Variants in SH3GL1 observed in about 807,000 individuals in gnomAD.
The protein encoded by SH3GL1 is endophilin-A2.
A neutral mutation model predicts 48.8 loss-of-function variants in SH3GL1; 21 were observed. That is an observed-to-expected ratio of 0.43 (90% CI 0.30 to 0.62). SH3GL1 has a LOEUF of 0.62. Among genes scored for constraint, SH3GL1 ranks in the 20% least tolerant of loss-of-function variants. SH3GL1 has a pLI of 0.11. For missense variants in SH3GL1, 454 were observed against 503.0 expected, an observed-to-expected ratio of 0.90 and a Z score of 0.93; for synonymous variants, 282 against 217.5, an observed-to-expected ratio of 1.30 and a Z score of -2.61.
Position 4,371,007 on chromosome 19 carries a change from A to G in SH3GL1, c.46-4013T>C, listed in dbSNP as rs369207863. Among the ~76,000 whole-genome samples the G allele has an allele frequency of 6.6e-4, 101 of 152,308 alleles. 1 individual carries two copies. The highest frequency in any genetic ancestry group is 2.2e-3 in the African/African-American group (91 of 41,574). ...CCTGCACCCGCCACCTGCATGCCGC[A>G]TGGATTTTCTGCCTGACCCTGTACT... is the stretch of plus-strand genomic sequence containing the variant. On this transcript the variant is annotated intron_variant, in intron 1 of 9. Coordinates refer to ENST00000269886, the MANE Select transcript of SH3GL1 (RefSeq NM_003025.4).
chr19:4,396,866 G>A (rs1177056683), intron 1 of SH3GL1, among the ~76,000 whole-genome samples: 1 of 152,202 alleles, frequency 6.6e-6, no homozygotes, highest in Non-Finnish European at 1.5e-5. Context: ...CTGGAGGACA[G>A]AACTGGCCCT....
intron 1 of SH3GL1, among the ~76,000 whole-genome samples, chr19:4,399,260 C>A (rs1973476608): frequency 7.5e-6 from 1 of 134,006 alleles, no homozygotes; most frequent in Non-Finnish European, 1.5e-5. Context: ...GCGGAGCTTG[C>A]AGTGAGCCGA....
At chr19:4,363,670 C>A (rs1280889784) in intron 6 of SH3GL1, 50 bp downstream of exon 6, 2 of 1,608,314 alleles carry the variant, frequency 1.2e-6, no homozygotes, top group South Asian at 2.2e-5. Flanking sequence ...ACCACCCCGG[C>A]CTCCCAAGGG....
In SH3GL1 at chr19:4,360,925, AG is replaced by A. The variant is rs557170953; in HGVS notation, c.*674del. ...TTTCTGAGGGCGGGGCTTGGGAGGC[AG>A]GGCCCTGCAGGAGACCATGTTCTCT... On this transcript the variant is annotated 3_prime_UTR_variant, in exon 10 of 10. Coordinates refer to ENST00000269886, the MANE Select transcript of SH3GL1 (RefSeq NM_003025.4). 79 of 233,324 alleles carry A rather than the reference AG, an allele frequency of 3.4e-4. No homozygotes were observed. The highest frequency in any genetic ancestry group is 1.5e-3 in the African/African-American group (68 of 45,426). The allele number at this position is 233,324 out of a possible 1,614,324, so 14.5% of individuals were successfully genotyped here. A position where few individuals can be genotyped will look rare whatever the true frequency, so the allele number is the denominator to read the frequency against.
rs1342590586 is a variant in SH3GL1 at position 4,360,585 on chromosome 19, C to T, written c.*1015G>A. ...GAATGTGGCCTGGCCCAGAGAACTC[C>T]CCATTTCATCGATTTTGCATTGGGC... On this transcript the variant is annotated 3_prime_UTR_variant, in exon 10 of 10. Transcript: ENST00000269886. 1 of 232,982 alleles carries T rather than the reference C, an allele frequency of 4.3e-6. No homozygotes were observed. Among genetic ancestry groups the T allele is most frequent in the Admixed American group, 5.6e-5 (1 of 17,756 alleles). The allele number at this position is 232,982 out of a possible 1,614,324, so 14.4% of individuals were successfully genotyped here.
In SH3GL1 at chr19:4,364,907, TATATA is replaced by T. The variant is rs1972735737; in HGVS notation, c.331+570_331+574del. Among the ~76,000 whole-genome samples, 4 of 140,288 alleles carry T rather than the reference TATATA, an allele frequency of 2.9e-5. 1 individual carries two copies. In the South Asian group the frequency reaches 8.7e-4, roughly 31 times the overall value. 92.0% of individuals were successfully genotyped at this position (140,288 alleles called of 152,430 possible). On this transcript the variant is annotated intron_variant, in intron 4 of 9. Transcript: ENST00000269886. ...GTGTGTGTGTGTGTGTGTATATATA[TATATA>T]TATATTTTTTTTTTTTTAGTAGAAG...
intron 1 of SH3GL1, among the ~76,000 whole-genome samples, chr19:4,392,518 T>TCACACACACA (rs60108906): frequency 8.7e-4 from 120 of 137,854 alleles, no homozygotes; most frequent in Admixed American, 1.7e-3. Context: ...CAAGACTCCG[T>TCACACACACA]CACACACACA....
Position 4,363,312 on chromosome 19 carries a change from C to T in SH3GL1, c.728+58G>A, listed in dbSNP as rs983023205. Reference sequence around the variant, plus strand: ...CACAGCGAGGTGTGCTGCCCACTTGCGCTGGCAGAGGGCGCATGGCAGCCC... The same window carrying T: ...CACAGCGAGGTGTGCTGCCCACTTGTGCTGGCAGAGGGCGCATGGCAGCCC... On this transcript the variant is annotated intron_variant, in intron 7 of 9. Coordinates refer to ENST00000269886, the MANE Select transcript of SH3GL1 (RefSeq NM_003025.4). 28 of 1,319,416 alleles carry T rather than the reference C, an allele frequency of 2.1e-5. 1 individual carries two copies. The highest frequency in any genetic ancestry group is 1.5e-4 in the East Asian group (6 of 39,946). 81.7% of individuals were successfully genotyped at this position (1,319,416 alleles called of 1,614,324 possible).
chr19:4,365,175 A>C (rs1304721421), intron 4 of SH3GL1, among the ~76,000 whole-genome samples: 2 of 152,054 alleles, frequency 1.3e-5, no homozygotes, highest in Admixed American at 6.6e-5. Flanking sequence ...AGACCCTCCA[A>C]TGCTCCTAAA....
At chr19:4,390,104 T>C (rs1341393811) in intron 1 of SH3GL1, 1 of 152,358 alleles carries the variant, frequency 6.6e-6, no homozygotes, top group Non-Finnish European at 1.5e-5. Context: ...AGGCGGTCAG[T>C]GGGCCGCTGC....
At chr19:4,363,314 CT>C in intron 7 of SH3GL1, 55 bp downstream of exon 7, 1 of 1,346,980 alleles carries the variant, frequency 7.4e-7, no homozygotes, top group Non-Finnish European at 1.0e-6. Context: ...CCCACTTGCG[CT>C]GGCAGAGGGC....
At chr19:4,395,471 T>A (rs943040689) in intron 1 of SH3GL1, 1 of 152,242 alleles carries the variant, frequency 6.6e-6, no homozygotes, top group Non-Finnish European at 1.5e-5. Flanking sequence ...TGTCATCATA[T>A]GTACGGGAAA....
intron 1 of SH3GL1, among the ~76,000 whole-genome samples, chr19:4,396,314 G>A (rs1973424137): frequency 6.6e-6 from 1 of 152,146 alleles, no homozygotes; most frequent in Non-Finnish European, 1.5e-5. Flanking sequence ...CAGGAGAATT[G>A]CTTGAACAGA....
rs951099751 is a variant in SH3GL1 at position 4,376,056 on chromosome 19, G to A, written c.46-9062C>T. 3.9e-5 allele frequency among the ~76,000 whole-genome samples: 6 copies of A among 152,204 alleles called. No individual in the cohort carries two copies. The highest frequency in any genetic ancestry group is 7.2e-5 in the African/African-American group (3 of 41,450). On this transcript the variant is annotated intron_variant, in intron 1 of 9. Coordinates refer to ENST00000269886, the MANE Select transcript of SH3GL1 (RefSeq NM_003025.4). The surrounding 1 kb of genome is among the most constrained non-coding windows in gnomAD (Gnocchi z 4.3). ...GAAATGGTCTTGGAGAGAGAACTGC[G>A]GGGCATGGTGACAGCGGTGAGAGGC... is the stretch of plus-strand genomic sequence containing the variant.
At chr19:4,368,181 T>C (rs1311909024) in intron 1 of SH3GL1, among the ~76,000 whole-genome samples, 1 of 152,060 alleles carries the variant, frequency 6.6e-6, no homozygotes, top group African/African-American at 2.4e-5. Flanking sequence ...GCTCCCCAGG[T>C]CTGATTGGTG....
chr19:4,387,569 G>A (rs1973259267), intron 1 of SH3GL1, among the ~76,000 whole-genome samples: 1 of 151,224 alleles, frequency 6.6e-6, no homozygotes, highest in Non-Finnish European at 1.5e-5. Flanking sequence ...GGGATTACAG[G>A]CAAGAATCAC....
At chr19:4,396,940 T>C (rs1237900921) in intron 1 of SH3GL1, among the ~76,000 whole-genome samples, 6 of 152,160 alleles carry the variant, frequency 3.9e-5, no homozygotes, top group Admixed American at 3.9e-4. Flanking sequence ...TTTTTACCCT[T>C]AGACCGGATA....
At chr19:4,362,988 A>G (rs1478235437) in intron 7 of SH3GL1, among the ~76,000 whole-genome samples, 1 of 152,016 alleles carries the variant, frequency 6.6e-6, no homozygotes, top group Non-Finnish European at 1.5e-5. Flanking sequence ...ATCTACCTAC[A>G]ACACCCCCAG....
intron 1 of SH3GL1, among the ~76,000 whole-genome samples, chr19:4,392,961 T>TA (rs941032588): frequency 6.6e-6 from 1 of 151,878 alleles, no homozygotes; most frequent in African/African-American, 2.4e-5. Flanking sequence ...CGTAAAATTT[T>TA]AAAAAATCAT....
Sources: allele counts gnomAD v4.1 joint callset (sites outside exome capture counted in the v4.1 genomes callset), GRCh38; gene constraint gnomAD v4.1.1; non-coding constraint Gnocchi (gnomAD v3.1); transcripts MANE v1.5; gene names NCBI Gene and HGNC (gene_info 2026-07-23, HGNC 2026-07-21).